PCNX2: variants seen among roughly 807,000 people sequenced by gnomAD.
PCNX2 encodes the protein pecanex-like protein 2.
Under a neutral mutation model 223.8 loss-of-function variants are expected in PCNX2, and 168 were observed. The observed-to-expected ratio is 0.75, with a 90% CI of 0.66 to 0.85. PCNX2 has a LOEUF of 0.85. Ranked by LOEUF, PCNX2 falls within the 40% of genes least tolerant of loss-of-function variation. PCNX2 has a pLI of 0.00. For synonymous variants in PCNX2, 1,006 were observed against 1,052.6 expected (o/e 0.96, Z 0.86); for missense variants, 2,507 against 2,675.5 (o/e 0.94, Z 1.39).
chr1:233,033,589 G>T (rs1043210042), intron 25 of PCNX2, among the ~76,000 whole-genome samples: 3 of 152,228 alleles, frequency 2.0e-5, no homozygotes, highest in Non-Finnish European at 4.4e-5. Flanking sequence ...GCAATATGGT[G>T]AACAACATCC....
chr1:233,220,436 C>T (rs1657297790), intron 10 of PCNX2, among the ~76,000 whole-genome samples: 2 of 152,234 alleles, frequency 1.3e-5, no homozygotes, highest in African/African-American at 4.8e-5. Flanking sequence ...TCCACATCTT[C>T]ACCAGCATTT....
intron 23 of PCNX2, among the ~76,000 whole-genome samples, chr1:233,066,184 A>T (rs1672601770): frequency 2.0e-5 from 3 of 152,178 alleles, no homozygotes; most frequent in South Asian, 4.2e-4. Flanking sequence ...TGTCTACATA[A>T]CCTCATTCTT....
chr1:233,137,798 T>C (rs1571948619), intron 20 of PCNX2, among the ~76,000 whole-genome samples: 1 of 152,152 alleles, frequency 6.6e-6, no homozygotes, highest in Non-Finnish European at 1.5e-5. Flanking sequence ...CCTAACAAGA[T>C]ACCCCAGTTC....
At chr1:233,017,538 G>C (rs532274755) in intron 26 of PCNX2, among the ~76,000 whole-genome samples, 4 of 151,894 alleles carry the variant, frequency 2.6e-5, no homozygotes, top group Non-Finnish European at 4.4e-5. Context: ...GGATGGTCTC[G>C]ATCTCCTGAC....
At chr1:233,294,969 T>G (rs1177972672) in intron 1 of PCNX2, among the ~76,000 whole-genome samples, 1 of 152,086 alleles carries the variant, frequency 6.6e-6, no homozygotes, top group Non-Finnish European at 1.5e-5. Context: ...ATCTACAGCA[T>G]TTCACACCAA....
intron 9 of PCNX2, among the ~76,000 whole-genome samples, chr1:233,234,347 G>A (rs1159177639): frequency 2.0e-5 from 3 of 152,096 alleles, no homozygotes; most frequent in Non-Finnish European, 4.4e-5. Flanking sequence ...GTCTAAACAT[G>A]AGCCTGGTTA....
intron 12 of PCNX2, among the ~76,000 whole-genome samples, chr1:233,213,038 C>T (rs981988574): frequency 1.3e-5 from 2 of 152,130 alleles, no homozygotes; most frequent in South Asian, 4.1e-4. Context: ...CCTATCTTAT[C>T]GTGAGATAAA....
At chr1:233,178,308 C>T (rs572551819) in intron 16 of PCNX2, among the ~76,000 whole-genome samples, 1 of 152,322 alleles carries the variant, frequency 6.6e-6, no homozygotes, top group South Asian at 2.1e-4. Flanking sequence ...ACTACTGCAC[C>T]TCATGGCCTA....
intron 9 of PCNX2, among the ~76,000 whole-genome samples, chr1:233,234,085 G>A (rs1658239060): frequency 6.6e-6 from 1 of 152,130 alleles, no homozygotes; most frequent in African/African-American, 2.4e-5. Flanking sequence ...TGAATTGGTT[G>A]ACTGGCTGTT....
chr1:233,011,651 G>T (rs1347988574), intron 28 of PCNX2, among the ~76,000 whole-genome samples: 1 of 152,022 alleles, frequency 6.6e-6, no homozygotes, highest in Non-Finnish European at 1.5e-5. Flanking sequence ...AAGCCCAAAG[G>T]ACACAGTTCT....
chr1:233,292,268 G>A (rs576679984), intron 1 of PCNX2, among the ~76,000 whole-genome samples: 62 of 143,494 alleles, frequency 4.3e-4, no homozygotes, highest in African/African-American at 1.6e-3. Context: ...GTGCAGTGGC[G>A]TGATCTTGGC....
chr1:233,254,596 T>C (rs1385277214), intron 5 of PCNX2, among the ~76,000 whole-genome samples: 3 of 151,978 alleles, frequency 2.0e-5, no homozygotes, highest in Admixed American at 6.6e-5. Flanking sequence ...TTTAAAACTA[T>C]ACAAAAGAAA....
the PCNX2 span, among the ~76,000 whole-genome samples, chr1:233,314,135 C>T: frequency 7.2e-5 from 11 of 152,192 alleles, no homozygotes; most frequent in Middle Eastern, 3.4e-3. Flanking sequence ...ATTAAAGAAA[C>T]GATTATGCAG....
At chr1:233,180,044 C>T (rs186044366) in intron 15 of PCNX2, among the ~76,000 whole-genome samples, 29 of 152,296 alleles carry the variant, frequency 1.9e-4, no homozygotes, top group African/African-American at 6.3e-4. Flanking sequence ...TTTGTTCAAG[C>T]GTGCTCTCGC....
chr1:233,173,694 G>C (rs1171404799), intron 17 of PCNX2, among the ~76,000 whole-genome samples: 1 of 152,118 alleles, frequency 6.6e-6, no homozygotes, highest in Non-Finnish European at 1.5e-5. Flanking sequence ...ATCAGGTTAT[G>C]TCTATCTCCA....
rs1464815105 is a variant in PCNX2 at position 233,126,823 on chromosome 1, A to G, written c.3837+8190T>C. ...ACATCAAAGCTAACATCCTTTTCCC[A>G]AAAACGTCTTTCTCTTCTTTATTAT... On this transcript the variant is annotated intron_variant, in intron 21 of 33. Coordinates refer to ENST00000258229, the MANE Select transcript of PCNX2 (RefSeq NM_014801.4). This position sits in a 1 kb window ranked among gnomAD's most constrained non-coding sequence, Gnocchi z 4.8. Among the ~76,000 whole-genome samples, 7 of 152,086 alleles carry G rather than the reference A, an allele frequency of 4.6e-5. No individual in the cohort carries two copies. The highest frequency in any genetic ancestry group is 4.6e-4 in the Admixed American group (7 of 15,252).
Position 233,262,946 on chromosome 1 carries a change from T to G in PCNX2, c.359+12A>C. The G allele has an allele frequency of 3.1e-6, 5 of 1,609,762 alleles. No individual in the cohort carries two copies. Among genetic ancestry groups the G allele is most frequent in the Non-Finnish European group, 4.2e-6 (5 of 1,177,216 alleles). ...TTACATTTTGAAGTGTCACATTAAT[T>G]GAAAATATTACCTTGGATTTCTGTG... On this transcript the variant is annotated intron_variant, in intron 2 of 33. Coordinates refer to ENST00000258229, the MANE Select transcript of PCNX2 (RefSeq NM_014801.4).
At chr1:233,026,323 G>A (rs1367635058) in intron 25 of PCNX2, among the ~76,000 whole-genome samples, 1 of 152,204 alleles carries the variant, frequency 6.6e-6, no homozygotes, top group Non-Finnish European at 1.5e-5. Context: ...AGAGCAGCAC[G>A]AAAGTCTATA....
At chr1:233,220,744 G>A (rs551736146) in intron 10 of PCNX2, among the ~76,000 whole-genome samples, 1 of 152,010 alleles carries the variant, frequency 6.6e-6, no homozygotes, top group Non-Finnish European at 1.5e-5. Flanking sequence ...GAAAAAATGA[G>A]GGAAAAAGAA....
Sources: allele counts gnomAD v4.1 joint callset (sites outside exome capture counted in the v4.1 genomes callset), GRCh38; gene constraint gnomAD v4.1.1; non-coding constraint Gnocchi (gnomAD v3.1); transcripts MANE v1.5; gene names NCBI Gene and HGNC (gene_info 2026-07-23, HGNC 2026-07-21).